Variants in TENM3 observed in about 807,000 individuals in gnomAD.
The protein encoded by TENM3 is teneurin-3.
A neutral mutation model predicts 255.1 loss-of-function variants in TENM3; 63 were observed. The ratio of observed to expected loss-of-function variants is 0.25; its 90% CI spans 0.20 to 0.30. The LOEUF (loss-of-function observed/expected upper bound fraction) is 0.30. TENM3 is among the 10% of genes least tolerant of loss of function. The pLI, the probability that TENM3 is intolerant of heterozygous loss-of-function variation, is 1.00. For synonymous variants in TENM3, 1,306 were observed against 1,322.3 expected, an observed-to-expected ratio of 0.99 and a Z score of 0.27; for missense variants, 2,929 against 3,461.1, an observed-to-expected ratio of 0.85 and a Z score of 3.86.
intron 3 of TENM3, among the ~76,000 whole-genome samples, chr4:182,390,515 C>T (rs181966839): frequency 4.7e-4 from 71 of 152,248 alleles, no homozygotes; most frequent in African/African-American, 1.7e-3. Context: ...GTACCAGTTT[C>T]GAGTTTGCTA....
chr4:182,638,272 T>C (rs4507403), intron 5 of TENM3, among the ~76,000 whole-genome samples: 80,253 of 152,026 alleles, frequency 0.53, 21,515 homozygotes, highest in East Asian at 0.7. Context: ...TAAAAACTGG[T>C]AAAGGAAAAG....
the TENM3 span, among the ~76,000 whole-genome samples, chr4:181,918,759 A>G: frequency 4.6e-5 from 7 of 152,132 alleles, no homozygotes; most frequent in African/African-American, 1.7e-4. Flanking sequence ...TGCCTCATTC[A>G]TGTATATATT....
chr4:181,849,815 G>C, the TENM3 span, among the ~76,000 whole-genome samples: 4 of 152,108 alleles, frequency 2.6e-5, no homozygotes, highest in South Asian at 8.3e-4. Context: ...GCCATGGATT[G>C]AATGAAAGAC....
At chr4:181,864,399 A>G in the TENM3 span, among the ~76,000 whole-genome samples, 48 of 152,200 alleles carry the variant, frequency 3.2e-4, no homozygotes, top group African/African-American at 9.6e-4. Context: ...TTGGGTGCCA[A>G]TGGCTACAGA....
intron 3 of TENM3, among the ~76,000 whole-genome samples, chr4:182,499,445 T>C (rs1445027977): frequency 6.6e-6 from 1 of 152,114 alleles, no homozygotes; most frequent in Non-Finnish European, 1.5e-5. Context: ...TGAACCCAGG[T>C]TTATGTCACT....
the TENM3 span, among the ~76,000 whole-genome samples, chr4:182,051,162 G>T: frequency 1.3e-5 from 2 of 151,682 alleles, no homozygotes; most frequent in Non-Finnish European, 1.5e-5. Flanking sequence ...TGACCAACAC[G>T]GTGAAAACCC....
At chr4:181,736,307 AAAAAG>A in the TENM3 span, among the ~76,000 whole-genome samples, 2 of 152,202 alleles carry the variant, frequency 1.3e-5, no homozygotes, top group African/African-American at 4.8e-5. Context: ...TCAGAAAAGA[AAAAAG>A]AAAATATAAA....
chr4:181,738,933 A>T, the TENM3 span, among the ~76,000 whole-genome samples: 3 of 152,022 alleles, frequency 2.0e-5, no homozygotes, highest in African/African-American at 7.2e-5. Flanking sequence ...TCTCTCAAGC[A>T]GCTGACACCA....
At chr4:182,084,833 A>G in the TENM3 span, 9 of 152,336 alleles carry the variant, frequency 5.9e-5, no homozygotes, top group Admixed American at 1.3e-4. Flanking sequence ...ATAAATCACA[A>G]GGCATTTATA....
At chr4:182,506,364 A>G (rs1353290658) in intron 3 of TENM3, among the ~76,000 whole-genome samples, 1 of 152,200 alleles carries the variant, frequency 6.6e-6, no homozygotes, top group East Asian at 1.9e-4. Context: ...CATTACCTTA[A>G]GCTAAATTTC....
intron 3 of TENM3, among the ~76,000 whole-genome samples, chr4:182,478,288 CAT>C (rs1733870507): frequency 6.6e-6 from 1 of 151,958 alleles, no homozygotes; most frequent in South Asian, 2.1e-4. Context: ...TTTCTAATGT[CAT>C]GTGAAAATTT....
the TENM3 span, among the ~76,000 whole-genome samples, chr4:181,618,128 G>T: frequency 6.6e-6 from 1 of 152,340 alleles, no homozygotes; most frequent in African/African-American, 2.4e-5. Context: ...CTTCCCCTGA[G>T]TATAGCAGGC....
the TENM3 span, among the ~76,000 whole-genome samples, chr4:181,743,956 G>A: frequency 1.3e-5 from 2 of 152,082 alleles, no homozygotes; most frequent in South Asian, 2.1e-4. Flanking sequence ...GATTCTTCTT[G>A]ATGTTCTCCC....
the TENM3 span, among the ~76,000 whole-genome samples, chr4:181,464,402 G>A: frequency 2.0e-5 from 3 of 152,128 alleles, no homozygotes; most frequent in African/African-American, 7.2e-5. Context: ...ATGACGACTG[G>A]TGTTAAGCAT....
chr4:182,541,008 CTT>C (rs1308880249), intron 3 of TENM3, among the ~76,000 whole-genome samples: 1 of 152,154 alleles, frequency 6.6e-6, no homozygotes, highest in African/African-American at 2.4e-5. Flanking sequence ...GTTTTAAACA[CTT>C]TCATTATATT....
the TENM3 span, among the ~76,000 whole-genome samples, chr4:181,625,646 A>G: frequency 6.6e-6 from 1 of 152,030 alleles, no homozygotes; most frequent in Non-Finnish European, 1.5e-5. Context: ...CCCCGTCTCT[A>G]CTAGAAATAC....
At chr4:182,551,392 G>A (rs891637387) in intron 3 of TENM3, among the ~76,000 whole-genome samples, 3 of 152,134 alleles carry the variant, frequency 2.0e-5, no homozygotes, top group African/African-American at 7.2e-5. Context: ...AGTTTTCAAA[G>A]AAATATAACA....
At chr4:181,733,239 TATAAAC>T in the TENM3 span, among the ~76,000 whole-genome samples, 24 of 152,222 alleles carry the variant, frequency 1.6e-4, 1 homozygote, top group African/African-American at 5.8e-4. Flanking sequence ...TGTAAATAGA[TATAAAC>T]ATACATTAAG....
At position 182,753,551 on chromosome 4, in the gene TENM3, G is replaced by C. The variant is rs748624518; in HGVS notation, c.3964G>C (p.Asp1322His). 2.5e-6 allele frequency: 4 copies of C among 1,613,778 alleles called. No individual in the cohort carries two copies. The highest frequency in any genetic ancestry group is 3.4e-6 in the Non-Finnish European group (4 of 1,179,862). Residue 1322 changes from aspartate (D) to histidine (H), a missense_variant, in exon 21 of 28, where the codon GAT becomes CAT. Coordinates refer to ENST00000511685, the MANE Select transcript of TENM3 (RefSeq NM_001080477.4). Reference protein sequence around the residue: ...GIISTLLGSNDLTSARPLTCD... With the variant: ...GIISTLLGSNHLTSARPLTCD... ...CATATCAACTCTTCTGGGCTCTAAC[G>C]ATTTGACTTCAGCCAGACCTTTAAC...
Sources: gnomAD v4.1 joint callset for allele counts (sites outside exome capture counted in the v4.1 genomes callset) on GRCh38, gnomAD v4.1.1 for gene constraint, MANE v1.5 for transcripts, NCBI Gene and HGNC (gene_info 2026-07-23, HGNC 2026-07-21) for gene names.